Variants in DIP2A observed in about 807,000 individuals in gnomAD.
The protein encoded by DIP2A is disco-interacting protein 2 homolog A.
A neutral mutation model predicts 177.4 loss-of-function variants in DIP2A; 85 were observed. The observed-to-expected ratio is 0.48, with a 90% confidence interval of 0.40 to 0.57. The LOEUF (loss-of-function observed/expected upper bound fraction) is 0.57. Among genes scored for constraint, DIP2A ranks in the 20% least tolerant of loss-of-function variants. DIP2A has a pLI of 0.00. For synonymous variants in DIP2A, 886 were observed against 881.8 expected (o/e 1.00, Z -0.08); for missense variants, 1,791 against 2,100.2 (o/e 0.85, Z 2.88).
Position 46,533,996 on chromosome 21 carries a change from T to A in DIP2A, c.1430-8T>A. 1.2e-6 allele frequency: 2 copies of A among 1,610,742 alleles called. No homozygotes were observed. Among genetic ancestry groups the A allele is most frequent in the South Asian group, 2.2e-5 (2 of 90,418 alleles). On this transcript the variant is annotated splice_region_variant and splice_polypyrimidine_tract_variant and intron_variant, in intron 11 of 37. Transcript: ENST00000417564. ...CTTGCTGTTCTGTGTCCTGTCTGTG[T>A]GTCACAGGTTGGCCCCCGCTCTCCT... is the stretch of plus-strand genomic sequence containing the variant.
In DIP2A at chr21:46,491,674, G is replaced by T. The variant is rs114883604; in HGVS notation, c.283+955G>T. On this transcript the variant is annotated intron_variant, in intron 3 of 37. Transcript: ENST00000417564. ...TTTCACTGAGCACTGTTGTCCTCATGCCTGGATGCAGATGCACGCACACAT... is the reference window on the plus strand; with the variant it reads ...TTTCACTGAGCACTGTTGTCCTCATTCCTGGATGCAGATGCACGCACACAT... Among the ~76,000 whole-genome samples, 371 of 152,290 alleles carry T rather than the reference G, an allele frequency of 2.4e-3. 2 individuals carry two copies. The highest frequency in any genetic ancestry group is 8.5e-3 in the African/African-American group (354 of 41,558).
Position 46,545,762 on chromosome 21 carries a change from T to A in DIP2A, c.2314-119T>A, listed in dbSNP as rs1418287044. 3.3e-6 allele frequency: 4 copies of A among 1,208,400 alleles called. No individual in the cohort carries two copies. The African/African-American group carries it at 6.0e-5, about 18-fold the overall frequency. The allele number at this position is 1,208,400 out of a possible 1,614,324, so 74.9% of individuals were successfully genotyped here. On this transcript the variant is annotated intron_variant, in intron 19 of 37. Transcript: ENST00000417564. ...CTGGGCCTATGCAGGGCCAGCCTCC[T>A]TTTTCCCCCTGGCCAGCAGGCGCAC...
At chr21:46,578,779 A>C in the DIP2A span, among the ~76,000 whole-genome samples, 2 of 152,170 alleles carry the variant, frequency 1.3e-5, no homozygotes, top group Non-Finnish European at 2.9e-5. Flanking sequence ...CATATGTTGA[A>C]CCAGCCTTGC....
At chr21:46,471,005 A>G (rs929950977) in intron 1 of DIP2A, among the ~76,000 whole-genome samples, 2 of 152,020 alleles carry the variant, frequency 1.3e-5, no homozygotes, top group East Asian at 1.9e-4. Context: ...AAGGAAATGA[A>G]TTAGGGTTAA....
chr21:46,537,329 A>T lies in DIP2A; in HGVS notation c.1707+41A>T. 6.2e-7 allele frequency: 1 copy of T among 1,612,702 alleles called. No individual in the cohort carries two copies. Among genetic ancestry groups the T allele is most frequent in the Non-Finnish European group, 8.5e-7 (1 of 1,178,774 alleles). ...TGATGACTAACTGTTGGAACAAGGG[A>T]TTGAGATGAACCCAAGCCTCTGCCT... is the stretch of plus-strand genomic sequence containing the variant. On this transcript the variant is annotated intron_variant, in intron 14 of 37. Transcript: ENST00000417564. This position sits in a 1 kb window ranked among gnomAD's most constrained non-coding sequence, Gnocchi z 4.1.
chr21:46,571,199 C>T (rs1304452438), downstream of DIP2A, among the ~76,000 whole-genome samples: 1 of 152,182 alleles, frequency 6.6e-6, no homozygotes, highest in Non-Finnish European at 1.5e-5. Context: ...TTGCACACTC[C>T]TTATAAGAAT....
At chr21:46,583,533 G>A in the DIP2A span, among the ~76,000 whole-genome samples, 1 of 152,124 alleles carries the variant, frequency 6.6e-6, no homozygotes, top group African/African-American at 2.4e-5. Flanking sequence ...AATGAAATTA[G>A]GAATTGATAT....
At chr21:46,502,620 G>A (rs1348052282) in intron 5 of DIP2A, among the ~76,000 whole-genome samples, 1 of 151,674 alleles carries the variant, frequency 6.6e-6, no homozygotes, top group Non-Finnish European at 1.5e-5. Context: ...GATAATTTTT[G>A]TATTTTTAGT....
intron 1 of DIP2A, among the ~76,000 whole-genome samples, chr21:46,478,395 A>G (rs954123360): frequency 3.3e-5 from 5 of 152,008 alleles, no homozygotes; most frequent in Non-Finnish European, 7.4e-5. Flanking sequence ...TATTTTTAGT[A>G]GAGATAGGGT....
intron 13 of DIP2A, among the ~76,000 whole-genome samples, chr21:46,536,437 G>A (rs1419068714): frequency 6.6e-6 from 1 of 152,200 alleles, no homozygotes; most frequent in Non-Finnish European, 1.5e-5. Flanking sequence ...GTGACTTTCC[G>A]AAGGGTGATG....
chr21:46,538,750 A>G lies in DIP2A; in HGVS notation c.1921+148A>G, dbSNP rs144868728. The G allele has an allele frequency of 6.5e-4, 775 of 1,186,638 alleles. 4 individuals are homozygous for G. Among genetic ancestry groups the G allele is most frequent in the South Asian group, 4.1e-3 (253 of 61,786 alleles). The allele number at this position is 1,186,638 out of a possible 1,614,324, so 73.5% of individuals were successfully genotyped here. On this transcript the variant is annotated intron_variant, in intron 16 of 37. Coordinates refer to ENST00000417564, the MANE Select transcript of DIP2A (RefSeq NM_015151.4). ...TCCCATCGTTTCTATGACACGGAAC[A>G]TCTTGGTGATTCACTGGTTTATCCC...
At chr21:46,519,855 A>ACTTTTTTTTTTTT (rs2058742276) in intron 8 of DIP2A, among the ~76,000 whole-genome samples, 1 of 53,018 alleles carries the variant, frequency 1.9e-5, no homozygotes, top group Non-Finnish European at 3.3e-5. Flanking sequence ...ATTGATCTAG[A>ACTTTTTTTTTTTT]TTTTTTTTTT....
chr21:46,547,188 G>A (rs773287076), intron 21 of DIP2A, 146 bp downstream of exon 21: 11 of 1,426,114 alleles, frequency 7.7e-6, no homozygotes, highest in Non-Finnish European at 1.0e-5. Flanking sequence ...AAAGTAAAAG[G>A]AAAATATTTG....
chr21:46,474,447 G>A (rs148147381), intron 1 of DIP2A, among the ~76,000 whole-genome samples: 59 of 152,272 alleles, frequency 3.9e-4, no homozygotes, highest in Middle Eastern at 3.4e-3. Context: ...AAATCCATAC[G>A]GGAAAGGCAG....
At chr21:46,485,236 TTGTG>T (rs3060302) in intron 2 of DIP2A, among the ~76,000 whole-genome samples, 21 of 149,074 alleles carry the variant, frequency 1.4e-4, no homozygotes, top group South Asian at 2.1e-4. Flanking sequence ...TCAATAGGTT[TTGTG>T]TGTGTGTGTG....
chr21:46,528,653 A>G (rs893378938), intron 8 of DIP2A, among the ~76,000 whole-genome samples: 2 of 145,066 alleles, frequency 1.4e-5, no homozygotes, highest in African/African-American at 5.1e-5. Context: ...CAGCCTCCCG[A>G]GCAGCTGGGA....
intron 5 of DIP2A, among the ~76,000 whole-genome samples, chr21:46,500,053 A>G (rs1340366589): frequency 6.6e-6 from 1 of 152,138 alleles, no homozygotes; most frequent in Non-Finnish European, 1.5e-5. Flanking sequence ...GACTGGGGGC[A>G]AGTTGGGTAT....
At chr21:46,542,972 C>G (rs1184625561) in intron 18 of DIP2A, among the ~76,000 whole-genome samples, 2 of 152,230 alleles carry the variant, frequency 1.3e-5, no homozygotes, top group African/African-American at 4.8e-5. Context: ...TAACCTGGAG[C>G]CTGGGGCCAG....
intron 5 of DIP2A, among the ~76,000 whole-genome samples, chr21:46,500,044 A>T (rs1230846315): frequency 2.0e-5 from 3 of 152,118 alleles, no homozygotes; most frequent in South Asian, 2.1e-4. Context: ...ATTTGGCTGG[A>T]CTGGGGGCAA....
Sources: gnomAD v4.1 joint callset for allele counts (sites outside exome capture counted in the v4.1 genomes callset) on GRCh38, gnomAD v4.1.1 for gene constraint, Gnocchi (gnomAD v3.1) non-coding constraint, MANE v1.5 for transcripts, NCBI Gene and HGNC (gene_info 2026-07-23, HGNC 2026-07-21) for gene names.